The following PGR variants were observed in gnomAD, a reference collection of about 807,000 sequenced individuals.
PGR encodes the protein progesterone receptor, also known as nuclear receptor subfamily 3 group C member 3.
A neutral mutation model predicts 76.1 loss-of-function variants in PGR; 25 were observed. The ratio of observed to expected loss-of-function variants is 0.33; its 90% confidence interval spans 0.24 to 0.46. PGR has a LOEUF of 0.46. PGR is among the 20% of genes least tolerant of loss of function. PGR has a pLI of 1.00. For synonymous variants in PGR, 579 were observed against 535.0 expected, an observed-to-expected ratio of 1.08 and a Z score of -1.14; for missense variants, 1,172 against 1,225.3, an observed-to-expected ratio of 0.96 and a Z score of 0.65.
chr11:101,064,441 A>G (rs1002974930), intron 3 of PGR, among the ~76,000 whole-genome samples: 4 of 151,358 alleles, frequency 2.6e-5, no homozygotes, highest in African/African-American at 9.7e-5. Context: ...GTTAAAAAAC[A>G]AAGGGGATTC....
At chr11:101,077,960 G>A (rs1861179235) in intron 3 of PGR, among the ~76,000 whole-genome samples, 5 of 152,162 alleles carry the variant, frequency 3.3e-5, no homozygotes, top group Admixed American at 2.0e-4. Flanking sequence ...AATGATTTTT[G>A]TTCTTAGGGT....
At chr11:101,084,178 A>G (rs1034751496) in intron 3 of PGR, among the ~76,000 whole-genome samples, 1 of 152,134 alleles carries the variant, frequency 6.6e-6, no homozygotes, top group Admixed American at 6.5e-5. Flanking sequence ...CTGCCATGGT[A>G]AGATATTCTT....
chr11:101,076,105 T>C (rs2135431797), intron 3 of PGR, among the ~76,000 whole-genome samples: 1 of 152,294 alleles, frequency 6.6e-6, no homozygotes, highest in South Asian at 2.1e-4. Context: ...AAAGAAAATG[T>C]GGCACATATA....
At position 101,129,619 on chromosome 11, in the gene PGR, G is replaced by A; in HGVS notation, c.-549C>T. On this transcript the variant is annotated 5_prime_UTR_variant, in exon 1 of 8. Transcript: ENST00000325455. ...CTCGGTACAGCCCATTCCCAGGAAG[G>A]GTCGGACTTCTGCTGGCTCCGTACT... is the stretch of plus-strand genomic sequence containing the variant. 1 of 183,006 alleles carries A rather than the reference G, an allele frequency of 5.5e-6. No individual in the cohort carries two copies. The highest frequency in any genetic ancestry group is 1.2e-5 in the Non-Finnish European group (1 of 86,148). 11.3% of individuals were successfully genotyped at this position (183,006 alleles called of 1,614,324 possible).
chr11:101,058,159 T>C (rs1038213526), intron 4 of PGR, among the ~76,000 whole-genome samples: 3 of 152,138 alleles, frequency 2.0e-5, no homozygotes, highest in African/African-American at 7.2e-5. Context: ...TTGCCAATAG[T>C]CCCAGAGGTA....
intron 3 of PGR, among the ~76,000 whole-genome samples, chr11:101,086,917 T>C (rs1173280925): frequency 6.6e-6 from 1 of 151,646 alleles, no homozygotes; most frequent in Admixed American, 6.6e-5. Flanking sequence ...TACATAACAT[T>C]GCTAAAAGAA....
intron 2 of PGR, among the ~76,000 whole-genome samples, chr11:101,112,552 T>C (rs1190137720): frequency 2.6e-5 from 4 of 152,058 alleles, no homozygotes; most frequent in Non-Finnish European, 5.9e-5. Context: ...TTCCGAAAAT[T>C]AGGAAGCAAG....
At position 101,039,134 on chromosome 11, in the gene PGR, A is replaced by G; in HGVS notation, c.2784T>C (p.Leu928=). ...PKILAGMVKP[L]LFHKK is the part of the protein sequence containing the mutation. ...ATGACATTCACTTTTTATGAAAGAG[A>G]AGGGGTTTCACCATCCCTGCCAATA... The change falls in exon 8 of 8, where the codon CTT becomes CTC. Residue 928 remains leucine, a synonymous_variant. Coordinates refer to ENST00000325455, the MANE Select transcript of PGR (RefSeq NM_000926.4). 1 of 1,611,496 alleles carries G rather than the reference A, an allele frequency of 6.2e-7. No individual in the cohort carries two copies. Among genetic ancestry groups the G allele is most frequent in the Non-Finnish European group, 8.5e-7 (1 of 1,178,094 alleles).
intron 4 of PGR, among the ~76,000 whole-genome samples, chr11:101,051,999 G>A (rs1051736794): frequency 7.2e-5 from 11 of 152,194 alleles, no homozygotes; most frequent in African/African-American, 1.4e-4. Context: ...TCAGTCAATC[G>A]GGAGGGAGGT....
intron 5 of PGR, among the ~76,000 whole-genome samples, chr11:101,050,559 G>C (rs1169464478): frequency 1.3e-5 from 2 of 152,066 alleles, no homozygotes; most frequent in Non-Finnish European, 2.9e-5. Context: ...AGTAAAAGAG[G>C]ACATTGGCAA....
At chr11:101,057,320 G>A (rs1860331400) in intron 4 of PGR, among the ~76,000 whole-genome samples, 1 of 152,066 alleles carries the variant, frequency 6.6e-6, no homozygotes, top group Non-Finnish European at 1.5e-5. Flanking sequence ...AAATAATATG[G>A]GCAAGAGAAG....
In PGR at chr11:101,128,048, C is replaced by G. The variant is rs762789408; in HGVS notation, c.1023G>C (p.Pro341=). Residue 341 remains proline, a synonymous_variant, in exon 1 of 8, where the codon CCG becomes CCC. Transcript: ENST00000325455. The part of the protein sequence containing the change: ...GGAGAASAFA[P]PRSSPCASST... The stretch of plus-strand genomic sequence containing the variant: ...ACGAGGCACAGGGTGAACTCCGCGG[C>G]GGGGCAAAGGCGCTGGCAGCCCCGG... 6.2e-7 allele frequency: 1 copy of G among 1,604,444 alleles called. No individual in the cohort carries two copies. Among genetic ancestry groups the G allele is most frequent in the East Asian group, 2.2e-5 (1 of 44,776 alleles).
In PGR at chr11:101,037,841, T is replaced by C. The variant is rs1426651399; in HGVS notation, c.*1275A>G. 1.4e-5 allele frequency: 3 copies of C among 222,186 alleles called. No individual in the cohort carries two copies. Among genetic ancestry groups the C allele is most frequent in the Non-Finnish European group, 2.7e-5 (3 of 111,092 alleles). 13.8% of individuals were successfully genotyped at this position (222,186 alleles called of 1,614,324 possible). A position where few individuals can be genotyped will look rare whatever the true frequency, so the allele number is the denominator to read the frequency against. ...ACAGAGAGAAAATGTCATTCAACTC[T>C]CAGTCAGCAAACACTATTGACCACT... On this transcript the variant is annotated 3_prime_UTR_variant, in exon 8 of 8. Coordinates refer to ENST00000325455, the MANE Select transcript of PGR (RefSeq NM_000926.4).
Position 101,036,765 on chromosome 11 carries a change from A to T in PGR, c.*2351T>A, listed in dbSNP as rs1281056296. The T allele has an allele frequency of 5.0e-5, 10 of 198,684 alleles. No individual in the cohort carries two copies. Among genetic ancestry groups the T allele is most frequent in the Non-Finnish European group, 4.2e-5 (4 of 95,942 alleles). The allele number at this position is 198,684 out of a possible 1,614,324, so 12.3% of individuals were successfully genotyped here. A position where few individuals can be genotyped will look rare whatever the true frequency, so the allele number is the denominator to read the frequency against. ...CAAAAGCCAAACCTGTGGCCACCAC[A>T]TTCTATTCCCTCATAGTTGAGTGAA... On this transcript the variant is annotated 3_prime_UTR_variant, in exon 8 of 8. Transcript: ENST00000325455.
intron 2 of PGR, among the ~76,000 whole-genome samples, chr11:101,120,159 C>T (rs1305621512): frequency 6.6e-6 from 1 of 152,222 alleles, no homozygotes; most frequent in Non-Finnish European, 1.5e-5. Flanking sequence ...TCTGGCATAA[C>T]TTGTATCAAG....
rs115307691 is a variant in PGR at position 101,122,361 on chromosome 11, G to T, written c.1789+3646C>A. Reference sequence around the variant, plus strand: ...GTGGCGTTATCAGTTATGATGACTGGATCATGTAGCAGTTATCTACTGGAT... The same window carrying T: ...GTGGCGTTATCAGTTATGATGACTGTATCATGTAGCAGTTATCTACTGGAT... On this transcript the variant is annotated intron_variant, in intron 2 of 7. Coordinates refer to ENST00000325455, the MANE Select transcript of PGR (RefSeq NM_000926.4). Among the ~76,000 whole-genome samples, 420 of 152,280 alleles carry T rather than the reference G, an allele frequency of 2.8e-3. 1 individual carries two copies. Among genetic ancestry groups the T allele is most frequent in the African/African-American group, 9.7e-3 (405 of 41,562 alleles).
intron 2 of PGR, among the ~76,000 whole-genome samples, chr11:101,096,569 G>A (rs759092499): frequency 7.2e-5 from 11 of 152,094 alleles, no homozygotes; most frequent in Non-Finnish European, 1.5e-4. Context: ...GGAGCCACTC[G>A]CTACTTCAGG....
chr11:101,038,367 T>C lies in PGR; in HGVS notation c.*749A>G, dbSNP rs1346839599. 9.5e-6 allele frequency: 2 copies of C among 211,052 alleles called. No individual in the cohort carries two copies. Among genetic ancestry groups the C allele is most frequent in the East Asian group, 7.1e-5 (1 of 14,078 alleles). The allele number at this position is 211,052 out of a possible 1,614,324, so 13.1% of individuals were successfully genotyped here. On this transcript the variant is annotated 3_prime_UTR_variant, in exon 8 of 8. Transcript: ENST00000325455. ...GTTAGGCCATAATCTTCTGATTTCT[T>C]ATGTCCACTCGCAATACCTCATTAG...
intron 2 of PGR, among the ~76,000 whole-genome samples, chr11:101,111,144 T>C (rs1862330146): frequency 6.6e-6 from 1 of 152,196 alleles, no homozygotes; most frequent in Non-Finnish European, 1.5e-5. Flanking sequence ...ATCTCTAAGG[T>C]ATGCCTATAA....
Sources: gnomAD v4.1 joint callset for allele counts (sites outside exome capture counted in the v4.1 genomes callset) on GRCh38, gnomAD v4.1.1 for gene constraint, MANE v1.5 for transcripts, NCBI Gene and HGNC (gene_info 2026-07-23, HGNC 2026-07-21) for gene names.